The following FBXW8 variants were observed in gnomAD, a reference collection of about 807,000 sequenced individuals.
FBXW8 encodes the protein F-box and WD repeat domain containing 8, also known as F-box/WD repeat-containing protein 8.
A neutral mutation model predicts 65.3 loss-of-function variants in FBXW8; 57 were observed. The ratio of observed to expected loss-of-function variants is 0.87; its 90% CI spans 0.71 to 1.09. The LOEUF (loss-of-function observed/expected upper bound fraction) is 1.09, where lower values mean the gene tolerates loss of function less well. Ranked by LOEUF, FBXW8 falls within the 50% of genes least tolerant of loss-of-function variation. The pLI, the probability that FBXW8 is intolerant of heterozygous loss-of-function variation, is 0.00. For missense variants in FBXW8, 777 were observed against 814.8 expected, an observed-to-expected ratio of 0.95 and a Z score of 0.57; for synonymous variants, 308 against 330.2, an observed-to-expected ratio of 0.93 and a Z score of 0.73.
In FBXW8 at chr12:117,027,491, A is replaced by G. The variant is rs774193211; in HGVS notation, c.1639A>G (p.Thr547Ala). The G allele has an allele frequency of 4.3e-6, 7 of 1,613,908 alleles. No individual in the cohort carries two copies. The highest frequency in any genetic ancestry group is 4.0e-5 in the African/African-American group (3 of 74,898). The change falls in exon 10 of 11, where the codon ACT (threonine) becomes GCT (alanine). Residue 547 changes from threonine (T) to alanine (A), a missense_variant. Physicochemically the swap from Thr to Ala is moderately conservative, Grantham distance 58. Transcript: ENST00000652555. Reference protein sequence around the residue: ...VMRNADLDSFTTHRRHRGLIR... With the variant: ...VMRNADLDSFATHRRHRGLIR... ...GCGAAACGCCGACCTGGACAGCTTCACTACTCACAGGAGGTTAGTGGTGGG... is the reference window on the plus strand; with the variant it reads ...GCGAAACGCCGACCTGGACAGCTTCGCTACTCACAGGAGGTTAGTGGTGGG...
intron 7 of FBXW8, among the ~76,000 whole-genome samples, chr12:116,994,928 C>T (rs1953341181): frequency 6.6e-6 from 1 of 152,180 alleles, no homozygotes; most frequent in Non-Finnish European, 1.5e-5. Flanking sequence ...ATAGACATTG[C>T]CCTCCACAGA....
chr12:116,958,046 G>C (rs1350432455), intron 4 of FBXW8, among the ~76,000 whole-genome samples: 1 of 152,230 alleles, frequency 6.6e-6, no homozygotes, highest in East Asian at 1.9e-4. Flanking sequence ...CATTGACTCT[G>C]ACTCTATTGA....
At chr12:116,955,128 A>G (rs116212781) in intron 4 of FBXW8, among the ~76,000 whole-genome samples, 193 of 152,076 alleles carry the variant, frequency 1.3e-3, no homozygotes, top group Middle Eastern at 6.8e-3. Flanking sequence ...AGTGTGTAAG[A>G]AAGGAAAACT....
intron 4 of FBXW8, among the ~76,000 whole-genome samples, chr12:116,963,582 C>A (rs911240471): frequency 6.6e-6 from 1 of 152,162 alleles, no homozygotes; most frequent in Non-Finnish European, 1.5e-5. Flanking sequence ...CTAGCCTGGG[C>A]AACAGAGTGA....
At chr12:117,024,386 C>G in intron 9 of FBXW8, 66 bp downstream of exon 9, 2 of 1,580,726 alleles carry the variant, frequency 1.3e-6, no homozygotes, top group Non-Finnish European at 1.7e-6. Context: ...ACTAATCAGC[C>G]TGCACCAGGC....
intron 7 of FBXW8, among the ~76,000 whole-genome samples, chr12:116,992,465 G>C (rs912980585): frequency 5.3e-5 from 8 of 151,842 alleles, no homozygotes; most frequent in Non-Finnish European, 1.0e-4. Flanking sequence ...GCTTTAGAGG[G>C]GTAGAAATGG....
intron 8 of FBXW8, among the ~76,000 whole-genome samples, chr12:117,022,509 G>C (rs966864865): frequency 1.9e-4 from 29 of 152,132 alleles, no homozygotes; most frequent in African/African-American, 6.3e-4. Context: ...AAAAAAATTA[G>C]CCTGGTGTGG....
chr12:117,023,320 G>T (rs1954145860), intron 8 of FBXW8, among the ~76,000 whole-genome samples: 1 of 152,086 alleles, frequency 6.6e-6, no homozygotes, highest in African/African-American at 2.4e-5. Context: ...TTTCAGGGCA[G>T]GGACTGTCTT....
At chr12:116,911,804 G>T (rs1879967493) in intron 1 of FBXW8, among the ~76,000 whole-genome samples, 1 of 152,164 alleles carries the variant, frequency 6.6e-6, no homozygotes, top group Non-Finnish European at 1.5e-5. Flanking sequence ...ATGATGGATA[G>T]GAAGTAATTT....
At chr12:116,933,051 C>T (rs1291771857) in intron 2 of FBXW8, among the ~76,000 whole-genome samples, 2 of 152,052 alleles carry the variant, frequency 1.3e-5, no homozygotes, top group African/African-American at 4.8e-5. Context: ...GTAAACTGTG[C>T]TCAGAGCCTA....
intron 9 of FBXW8, among the ~76,000 whole-genome samples, chr12:117,026,098 C>T (rs1214236763): frequency 6.6e-6 from 1 of 152,262 alleles, no homozygotes; most frequent in Non-Finnish European, 1.5e-5. Context: ...CCCAGTCTGG[C>T]TGTTGTTTGG....
At chr12:116,945,797 G>A (rs1038745091) in intron 3 of FBXW8, among the ~76,000 whole-genome samples, 5 of 152,232 alleles carry the variant, frequency 3.3e-5, no homozygotes, top group African/African-American at 1.2e-4. Context: ...CTCTCGGATT[G>A]TTAGGGTGGT....
chr12:116,984,983 T>C (rs76656739), intron 5 of FBXW8, among the ~76,000 whole-genome samples: 2,854 of 152,294 alleles, frequency 0.019, 93 homozygotes, highest in African/African-American at 0.065. Flanking sequence ...AGTGAGGCAC[T>C]GTTTCTAAAA....
Position 116,911,256 on chromosome 12 carries a change from G to A in FBXW8, c.219G>A (p.Arg73=). The part of the protein sequence containing the change: ...AGRPPAARAT[R]AEGQDVASRS... ...GGCCCCCGGCGGCGCGGGCGACTCG[G>A]GCCGAGGGGCAGGACGTAGCGAGCC... Residue 73 remains arginine, a synonymous_variant, in exon 1 of 11, where the codon CGG becomes CGA. Coordinates refer to ENST00000652555, the MANE Select transcript of FBXW8 (RefSeq NM_153348.3). The A allele has an allele frequency of 8.0e-7, 1 of 1,246,006 alleles. No individual in the cohort carries two copies. The highest frequency in any genetic ancestry group is 1.0e-6 in the Non-Finnish European group (1 of 997,916). 77.2% of individuals were successfully genotyped at this position (1,246,006 alleles called of 1,614,324 possible).
At position 116,929,534 on chromosome 12, in the gene FBXW8, C is replaced by T. The variant is rs575623199; in HGVS notation, c.423+1407C>T. Among the ~76,000 whole-genome samples, 18 of 94,260 alleles carry T rather than the reference C, an allele frequency of 1.9e-4. No individual in the cohort carries two copies. The South Asian group carries it at 8.4e-3, about 44-fold the overall frequency. 61.8% of individuals were successfully genotyped at this position (94,260 alleles called of 152,430 possible). On this transcript the variant is annotated intron_variant, in intron 2 of 10. Transcript: ENST00000652555. The stretch of plus-strand genomic sequence containing the variant: ...ACAGGCATGAGCCACTGGGCCTGGA[C>T]TGATTTTTCTTTTTTTAAAAATTTC...
intron 10 of FBXW8, 86 bp from the exon 11 acceptor site, chr12:117,027,942 C>T (rs1184138437): frequency 1.8e-5 from 28 of 1,556,808 alleles, no homozygotes; most frequent in South Asian, 8.2e-5. Context: ...TGGTCTCAGG[C>T]GAACGCCTCC....
chr12:116,916,911 T>TGTGTGAGAGAGA (rs59006120), intron 1 of FBXW8, among the ~76,000 whole-genome samples: 2 of 145,620 alleles, frequency 1.4e-5, no homozygotes, highest in African/African-American at 2.5e-5. Context: ...TGTGTGTGTG[T>TGTGTGAGAGAGA]GAGAGAGAGA....
At chr12:117,027,554 T>G (rs1376486607) in intron 10 of FBXW8, 50 bp downstream of exon 10, 1 of 1,405,142 alleles carries the variant, frequency 7.1e-7, no homozygotes, top group African/African-American at 1.4e-5. Context: ...TTGACTGATG[T>G]ATAGAACCCC....
chr12:116,979,796 A>C (rs1420476024), intron 5 of FBXW8, among the ~76,000 whole-genome samples: 2 of 150,638 alleles, frequency 1.3e-5, no homozygotes, highest in African/African-American at 2.5e-5. Context: ...AAAAAAAAAA[A>C]CACTTGCTTC....
Sources: allele counts gnomAD v4.1 joint callset (sites outside exome capture counted in the v4.1 genomes callset), GRCh38; gene constraint gnomAD v4.1.1; transcripts MANE v1.5; gene names NCBI Gene and HGNC (gene_info 2026-07-23, HGNC 2026-07-21).